ALK: variants seen among roughly 807,000 people sequenced by gnomAD.
The protein encoded by ALK is ALK tyrosine kinase receptor.
ALK carries 74 observed loss-of-function variants against 163.1 expected under a neutral mutation model. The ratio of observed to expected loss-of-function variants is 0.45; its 90% CI spans 0.38 to 0.55. The LOEUF is 0.55. Among genes scored for constraint, ALK ranks in the 20% least tolerant of loss-of-function variants. ALK has a pLI of 0.00. For synonymous variants in ALK, 960 were observed against 843.2 expected (o/e 1.14, Z -2.40); for missense variants, 2,063 against 2,105.3 (o/e 0.98, Z 0.39).
chr2:29,560,058 C>G (rs577373586), intron 3 of ALK, among the ~76,000 whole-genome samples: 1 of 152,094 alleles, frequency 6.6e-6, no homozygotes, highest in African/African-American at 2.4e-5. Flanking sequence ...AAATATTAAG[C>G]ATGTGGTTAA....
chr2:29,370,672 A>T (rs776222757), intron 5 of ALK, among the ~76,000 whole-genome samples: 3 of 152,204 alleles, frequency 2.0e-5, no homozygotes, highest in Non-Finnish European at 4.4e-5. Flanking sequence ...ATTGCCTCTT[A>T]GCTACCATTG....
chr2:29,539,445 G>T (rs1673353823), intron 3 of ALK, among the ~76,000 whole-genome samples: 1 of 152,070 alleles, frequency 6.6e-6, no homozygotes, highest in Non-Finnish European at 1.5e-5. Context: ...TTCATTGCCA[G>T]TTGTGTCTTT....
chr2:29,719,466 T>C (rs1014655333), intron 1 of ALK, among the ~76,000 whole-genome samples: 143 of 152,242 alleles, frequency 9.4e-4, no homozygotes, highest in Non-Finnish European at 1.6e-3. Context: ...CTCAGAGAAG[T>C]GAATGCAAAG....
chr2:29,584,593 A>G (rs1674827270), intron 3 of ALK, among the ~76,000 whole-genome samples: 1 of 152,144 alleles, frequency 6.6e-6, no homozygotes, highest in Admixed American at 6.5e-5. Flanking sequence ...CTCCCTCATC[A>G]TCGGCAGTCT....
At chr2:29,737,694 T>G in intron 1 of ALK, among the ~76,000 whole-genome samples, 1 of 152,054 alleles carries the variant, frequency 6.6e-6, no homozygotes, top group Non-Finnish European at 1.5e-5. Context: ...GCATCTGCCA[T>G]GAACATGGCT....
Position 29,275,409 on chromosome 2 carries a change from G to A in ALK, c.1905C>T (p.Tyr635=). The stretch of plus-strand genomic sequence containing the variant: ...GGGTCAGAGTGAACTCACTGGTGAG[G>A]TAGCAGTCCAGGCTGATGGAGATAT... ...FDNISISLDC[Y]LTISGEDKIL... is the part of the protein sequence containing the mutation. The change falls in exon 10 of 29, where the codon TAC becomes TAT. Residue 635 remains tyrosine (Y), a synonymous_variant. Transcript: ENST00000389048. 6.2e-7 allele frequency: 1 copy of A among 1,614,086 alleles called. No individual in the cohort carries two copies. Among genetic ancestry groups the A allele is most frequent in the East Asian group, 2.2e-5 (1 of 44,888 alleles).
chr2:29,872,846 C>T (rs150622766), intron 1 of ALK, among the ~76,000 whole-genome samples: 1 of 152,328 alleles, frequency 6.6e-6, no homozygotes, highest in South Asian at 2.1e-4. Flanking sequence ...AAAAGTAGCT[C>T]TCTTCACTTT....
chr2:29,849,503 C>T (rs1210062388), intron 1 of ALK, among the ~76,000 whole-genome samples: 1 of 152,192 alleles, frequency 6.6e-6, no homozygotes, highest in Non-Finnish European at 1.5e-5. Flanking sequence ...AGAAGATCCT[C>T]AAGGGGAGGA....
At chr2:29,747,991 C>T (rs1289993525) in intron 1 of ALK, among the ~76,000 whole-genome samples, 1 of 152,208 alleles carries the variant, frequency 6.6e-6, no homozygotes, top group Non-Finnish European at 1.5e-5. Flanking sequence ...CATGTGAATC[C>T]TAAATCTCTG....
intron 3 of ALK, among the ~76,000 whole-genome samples, chr2:29,594,232 T>C (rs761078829): frequency 2.6e-5 from 4 of 152,192 alleles, no homozygotes; most frequent in Non-Finnish European, 5.9e-5. Flanking sequence ...AACTATTTAC[T>C]AGTATCTATG....
At chr2:29,308,116 C>T (rs906440951) in intron 8 of ALK, among the ~76,000 whole-genome samples, 1 of 149,724 alleles carries the variant, frequency 6.7e-6, no homozygotes, top group Non-Finnish European at 1.5e-5. Context: ...CTTTTGATAA[C>T]TAGAACAAAA....
At chr2:29,508,696 T>A (rs1427227080) in intron 4 of ALK, among the ~76,000 whole-genome samples, 6 of 118,958 alleles carry the variant, frequency 5.0e-5, no homozygotes, top group South Asian at 2.6e-4. Flanking sequence ...TAGAGTATAA[T>A]AAAAAAAAAA....
At chr2:29,482,907 G>A (rs1671696391) in intron 4 of ALK, among the ~76,000 whole-genome samples, 1 of 152,190 alleles carries the variant, frequency 6.6e-6, no homozygotes, top group Non-Finnish European at 1.5e-5. Flanking sequence ...GAGGCAAGGA[G>A]ATAATGGAGA....
At chr2:29,399,503 C>A (rs766821814) in intron 4 of ALK, among the ~76,000 whole-genome samples, 2 of 152,324 alleles carry the variant, frequency 1.3e-5, no homozygotes, top group South Asian at 4.1e-4. Flanking sequence ...CCAGGCAATG[C>A]GGAATGAAGA....
chr2:29,697,295 G>T (rs1427928351), intron 2 of ALK, among the ~76,000 whole-genome samples: 1 of 152,170 alleles, frequency 6.6e-6, no homozygotes, highest in Non-Finnish European at 1.5e-5. Context: ...ATGAGTCAGG[G>T]TTTATTTTCT....
At chr2:29,872,790 T>C (rs1224490187) in intron 1 of ALK, among the ~76,000 whole-genome samples, 1 of 152,216 alleles carries the variant, frequency 6.6e-6, no homozygotes, top group Non-Finnish European at 1.5e-5. Context: ...CTTATAACTA[T>C]GTTTCTTTAA....
intron 3 of ALK, among the ~76,000 whole-genome samples, chr2:29,567,372 T>A (rs1026005707): frequency 5.3e-5 from 8 of 152,216 alleles, no homozygotes; most frequent in African/African-American, 7.2e-5. Context: ...TCTGCCAGTG[T>A]TTTCCATCTC....
At chr2:29,317,827 A>AC (rs1291483181) in intron 8 of ALK, among the ~76,000 whole-genome samples, 1 of 145,690 alleles carries the variant, frequency 6.9e-6, no homozygotes, top group East Asian at 2.1e-4. Context: ...CACCCACACC[A>AC]ATGAGATAAC....
chr2:29,826,764 C>A (rs1343004711), intron 1 of ALK, among the ~76,000 whole-genome samples: 1 of 152,184 alleles, frequency 6.6e-6, no homozygotes, highest in African/African-American at 2.4e-5. Flanking sequence ...TTCCTTGGGG[C>A]CCCCAGGCAT....
Sources: gnomAD v4.1 joint callset for allele counts (sites outside exome capture counted in the v4.1 genomes callset) on GRCh38, gnomAD v4.1.1 for gene constraint, MANE v1.5 for transcripts, NCBI Gene and HGNC (gene_info 2026-07-23, HGNC 2026-07-21) for gene names.